The following SLC46A3 variants were observed in gnomAD, a reference collection of about 807,000 sequenced individuals.
SLC46A3 encodes lysosomal proton-coupled steroid conjugate and bile acid symporter SLC46A3.
SLC46A3 carries 26 observed loss-of-function variants against 38.5 expected under a neutral mutation model. That is an observed-to-expected ratio of 0.68 (90% CI 0.49 to 0.94). The LOEUF is 0.94. SLC46A3 is among the 40% of genes least tolerant of loss of function. The probability of loss-of-function intolerance (pLI) is 0.00; values close to 1 mark genes in which losing one functional copy is unlikely to be tolerated. For missense variants in SLC46A3, 510 were observed against 544.3 expected (o/e 0.94, Z 0.63); for synonymous variants, 185 against 192.5 (o/e 0.96, Z 0.32).
At chr13:28,714,774 A>G (rs1196076572) in intron 2 of SLC46A3, among the ~76,000 whole-genome samples, 1 of 152,178 alleles carries the variant, frequency 6.6e-6, no homozygotes, top group East Asian at 1.9e-4. Flanking sequence ...AAAAGTAAAT[A>G]AAGGTGGTAG....
chr13:28,710,031 T>C (rs958452488), intron 4 of SLC46A3, among the ~76,000 whole-genome samples: 1 of 152,220 alleles, frequency 6.6e-6, no homozygotes, highest in African/African-American at 2.4e-5. Context: ...TTAACTAAAA[T>C]ATATTATGCC....
intron 4 of SLC46A3, among the ~76,000 whole-genome samples, chr13:28,707,318 C>T (rs1383416189): frequency 6.7e-6 from 1 of 149,170 alleles, no homozygotes; most frequent in Non-Finnish European, 1.5e-5. Context: ...CCAAACACCA[C>T]ATGTTCTCAC....
chr13:28,710,651 C>T lies in SLC46A3; in HGVS notation c.1144+109G>A, dbSNP rs192343231. Reference sequence around the variant, plus strand: ...TTACCACTTTATTCAAAAGGAGATCCGTGCATAAAAAGGGCTGTAGAATAT... The same window carrying T: ...TTACCACTTTATTCAAAAGGAGATCTGTGCATAAAAAGGGCTGTAGAATAT... On this transcript the variant is annotated intron_variant, in intron 4 of 5. Transcript: ENST00000266943. 344 of 832,280 alleles carry T rather than the reference C, an allele frequency of 4.1e-4. 1 individual carries two copies. The African/African-American group carries it at 5.4e-3, about 13-fold the overall frequency. The allele number at this position is 832,280 out of a possible 1,614,324, so 51.6% of individuals were successfully genotyped here. A position where few individuals can be genotyped will look rare whatever the true frequency, so the allele number is the denominator to read the frequency against.
intron 5 of SLC46A3, 165 bp downstream of exon 5, chr13:28,703,778 A>G (rs1885097045): frequency 6.4e-6 from 3 of 471,252 alleles, no homozygotes; most frequent in East Asian, 6.4e-5. Context: ...TGTCATTCCA[A>G]TTTTGTATAT....
At position 28,700,760 on chromosome 13, in the gene SLC46A3, A is replaced by G. The variant is rs1253442465; in HGVS notation, c.*737T>C. On this transcript the variant is annotated 3_prime_UTR_variant, in exon 6 of 6. Coordinates refer to ENST00000266943, the MANE Select transcript of SLC46A3 (RefSeq NM_181785.4). ...TTTTATTTATCATCTATTTTTTCCC[A>G]ATTACCCATTACATATAGAAATATT... 1.2e-5 allele frequency: 6 copies of G among 488,856 alleles called. No homozygotes were observed. 30.3% of individuals were successfully genotyped at this position (488,856 alleles called of 1,614,324 possible).
intron 3 of SLC46A3, among the ~76,000 whole-genome samples, chr13:28,711,432 A>C (rs939900846): frequency 4.6e-5 from 7 of 151,824 alleles, no homozygotes; most frequent in Non-Finnish European, 7.4e-5. Flanking sequence ...CAAAGAAAAA[A>C]AAAAAACAAA....
Position 28,701,328 on chromosome 13 carries a change from A to G in SLC46A3, c.*169T>C. The G allele has an allele frequency of 7.0e-7, 1 of 1,430,352 alleles. No homozygotes were observed. The highest frequency in any genetic ancestry group is 9.1e-7 in the Non-Finnish European group (1 of 1,094,178). 88.6% of individuals were successfully genotyped at this position (1,430,352 alleles called of 1,614,324 possible). A position where few individuals can be genotyped will look rare whatever the true frequency, so the allele number is the denominator to read the frequency against. ...CAAAGTGCTCAAAGTGCGTGGTACC[A>G]CAAGAAGCTAAAGCCAGGAGCTGTC... On this transcript the variant is annotated 3_prime_UTR_variant, in exon 6 of 6. Coordinates refer to ENST00000266943, the MANE Select transcript of SLC46A3 (RefSeq NM_181785.4).
At position 28,712,756 on chromosome 13, in the gene SLC46A3, G is replaced by A. The variant is rs774242371; in HGVS notation, c.984C>T (p.Ala328=). Reference sequence around the variant, plus strand: ...TCATCGTGGTAAAAATCCCAATGAAGGCCATATGAATATCTTCCATACAAT... The same window carrying A: ...TCATCGTGGTAAAAATCCCAATGAAAGCCATATGAATATCTTCCATACAAT... ...FSYCMEDIHM[A]FIGIFTTMTG... The change falls in exon 3 of 6, where the codon GCC becomes GCT. Residue 328 remains alanine, a synonymous_variant. Coordinates refer to ENST00000266943, the MANE Select transcript of SLC46A3 (RefSeq NM_181785.4). 12 of 1,610,654 alleles carry A rather than the reference G, an allele frequency of 7.5e-6. No homozygotes were observed. In the East Asian group the frequency reaches 2.5e-4, roughly 33 times the overall value.
intron 2 of SLC46A3, among the ~76,000 whole-genome samples, chr13:28,714,469 C>T (rs1185331582): frequency 1.3e-5 from 2 of 151,892 alleles, no homozygotes; most frequent in Admixed American, 6.6e-5. Flanking sequence ...AAAAACTAGG[C>T]CAGGCACGGT....
chr13:28,716,374 T>C (rs937405070), intron 2 of SLC46A3, among the ~76,000 whole-genome samples: 1 of 152,136 alleles, frequency 6.6e-6, no homozygotes, highest in Non-Finnish European at 1.5e-5. Flanking sequence ...AACTCTATTC[T>C]GTTTATGTGT....
chr13:28,717,484 A>AATTTTTTTTTTTTTTTTT (rs1322198755), intron 2 of SLC46A3, among the ~76,000 whole-genome samples: 1,296 of 93,698 alleles, frequency 0.014, 200 homozygotes, highest in Non-Finnish European at 0.019. Context: ...CAATTTTCAG[A>AATTTTTTTTTTTTTTTTT]CTTTTTTTTT....
At chr13:28,706,851 T>C (rs910200602) in intron 4 of SLC46A3, among the ~76,000 whole-genome samples, 8 of 152,172 alleles carry the variant, frequency 5.3e-5, no homozygotes, top group African/African-American at 9.7e-5. Context: ...CACAATGAGA[T>C]ACCATCTCAC....
chr13:28,710,952 C>T, intron 3 of SLC46A3, 109 bp from the exon 4 acceptor site: 3 of 743,510 alleles, frequency 4.0e-6, no homozygotes, highest in Non-Finnish European at 6.8e-6. Flanking sequence ...TACAAGCATC[C>T]TAACTCATTG....
rs1446629777 is a variant in SLC46A3, at chr13:28,718,025, A to G, written c.-24-3T>C. The G allele has an allele frequency of 6.3e-7, 1 of 1,590,380 alleles. No individual in the cohort carries two copies. Among genetic ancestry groups the G allele is most frequent in the Non-Finnish European group, 8.6e-7 (1 of 1,169,190 alleles). Reference sequence around the variant, plus strand: ...TTGCCTGGGTAGGTAGCTGTATTCTATAAAAAGTGAAAACGGAGAAAGATC... The same window carrying G: ...TTGCCTGGGTAGGTAGCTGTATTCTGTAAAAAGTGAAAACGGAGAAAGATC... On this transcript the variant is annotated splice_region_variant and splice_polypyrimidine_tract_variant and intron_variant, in intron 1 of 5. Transcript: ENST00000266943.
intron 3 of SLC46A3, among the ~76,000 whole-genome samples, chr13:28,711,683 T>G (rs138365865): frequency 6.6e-6 from 1 of 152,352 alleles, no homozygotes; most frequent in African/African-American, 2.4e-5. Flanking sequence ...TGACCCTTAA[T>G]AGTCAGTAGT....
intron 4 of SLC46A3, among the ~76,000 whole-genome samples, chr13:28,707,338 G>A (rs1343569037): frequency 6.9e-6 from 1 of 145,804 alleles, no homozygotes; most frequent in East Asian, 2.0e-4. Flanking sequence ...CTCACAGGTG[G>A]GAATTGAACA....
rs1211928176 is a variant in SLC46A3, at chr13:28,704,227, AAATGAAAGTTATTCCCTCAAAGTCCCTG to A, written c.1145-156_1145-129del. Reference sequence around the variant, plus strand: ...ACATGAGGGCACTGCTGGGTGAATGAAATGAAAGTTATTCCCTCAAAGTCCCTGAGAAGTCAGCAGCCCATTCTGCAGC... The same window carrying A: ...ACATGAGGGCACTGCTGGGTGAATGAAGAAGTCAGCAGCCCATTCTGCAGC... On this transcript the variant is annotated intron_variant, in intron 4 of 5. Coordinates refer to ENST00000266943, the MANE Select transcript of SLC46A3 (RefSeq NM_181785.4). 24 of 834,182 alleles carry A rather than the reference AAATGAAAGTTATTCCCTCAAAGTCCCTG, an allele frequency of 2.9e-5. No individual in the cohort carries two copies. In the Middle Eastern group the frequency reaches 1.1e-3, roughly 39 times the overall value. 51.7% of individuals were successfully genotyped at this position (834,182 alleles called of 1,614,324 possible). A position where few individuals can be genotyped will look rare whatever the true frequency, so the allele number is the denominator to read the frequency against.
In SLC46A3 at chr13:28,701,458, T is replaced by C. The variant is rs748892503; in HGVS notation, c.*39A>G. On this transcript the variant is annotated 3_prime_UTR_variant, in exon 6 of 6. Transcript: ENST00000266943. ...TCTTCAGAAGTCATGGTATATGATA[T>C]GTGCATTCATAGATTTTTTTTGTTT... The C allele has an allele frequency of 7.5e-5, 120 of 1,605,124 alleles. No individual in the cohort carries two copies. Among genetic ancestry groups the C allele is most frequent in the Non-Finnish European group, 9.9e-5 (116 of 1,177,262 alleles).
Position 28,712,781 on chromosome 13 carries a change from T to C in SLC46A3, c.959A>G (p.Tyr320Cys), listed in dbSNP as rs919971940. The change falls in exon 3 of 6, where the codon TAT becomes TGT. Residue 320 changes from tyrosine to cysteine, a missense_variant. Physicochemically the swap from Tyr to Cys is radical, Grantham distance 194. Coordinates refer to ENST00000266943, the MANE Select transcript of SLC46A3 (RefSeq NM_181785.4). The part of the protein sequence containing the change: ...TSFLGIWLFS[Y>C]CMEDIHMAFI... ...GGCCATATGAATATCTTCCATACAA[T>C]AAGAAAAAAGCCATATTCCTAGGAA... The C allele has an allele frequency of 1.2e-6, 2 of 1,612,924 alleles. No homozygotes were observed. The highest frequency in any genetic ancestry group is 1.7e-6 in the Non-Finnish European group (2 of 1,179,770).
Sources: allele counts gnomAD v4.1 joint callset (sites outside exome capture counted in the v4.1 genomes callset), GRCh38; gene constraint gnomAD v4.1.1; transcripts MANE v1.5; gene names NCBI Gene and HGNC (gene_info 2026-07-23, HGNC 2026-07-21).